Variants in MACROD2 observed in about 807,000 individuals in gnomAD.
MACROD2 encodes ADP-ribose glycohydrolase MACROD2.
A neutral mutation model predicts 70.4 loss-of-function variants in MACROD2; 36 were observed. That is an observed-to-expected ratio of 0.51 (90% CI 0.39 to 0.68). The LOEUF (loss-of-function observed/expected upper bound fraction) is 0.68, where lower values mean the gene tolerates loss of function less well. Among genes scored for constraint, MACROD2 ranks in the 30% least tolerant of loss-of-function variants. MACROD2 has a pLI of 0.00. For missense variants in MACROD2, 496 were observed against 538.4 expected, an observed-to-expected ratio of 0.92 and a Z score of 0.78; for synonymous variants, 172 against 178.8, an observed-to-expected ratio of 0.96 and a Z score of 0.30.
At chr20:14,003,617 A>C in intron 2 of MACROD2, 1 of 453,920 alleles carries the variant, frequency 2.2e-6, no homozygotes, top group Non-Finnish European at 4.4e-6. Flanking sequence ...CCCAAAGATG[A>C]TTTGCTGCCC....
intron 3 of MACROD2, among the ~76,000 whole-genome samples, chr20:14,285,459 C>A (rs2082336332): frequency 6.6e-6 from 1 of 152,100 alleles, no homozygotes; most frequent in Non-Finnish European, 1.5e-5. Flanking sequence ...TGGATTAGGG[C>A]TGCTTAACCT....
Position 14,822,035 on chromosome 20 carries a change from A to G in MACROD2, c.418+137076A>G, listed in dbSNP as rs146584096. 2.4e-4 allele frequency among the ~76,000 whole-genome samples: 37 copies of G among 152,218 alleles called. 1 individual carries two copies. In the East Asian group the frequency reaches 7.2e-3, roughly 29 times the overall value. On this transcript the variant is annotated intron_variant, in intron 5 of 17. Transcript: ENST00000684519. ...GAAATCCATAAAGTAGGTATTTGAC[A>G]TCTCATAGTTTTGAACAAAATGGTA... is the stretch of plus-strand genomic sequence containing the variant.
At chr20:14,253,708 T>A (rs1053670740) in intron 3 of MACROD2, among the ~76,000 whole-genome samples, 3 of 152,158 alleles carry the variant, frequency 2.0e-5, no homozygotes, top group Non-Finnish European at 4.4e-5. Flanking sequence ...ATCTGAACTT[T>A]TTCAAACCTC....
intron 5 of MACROD2, among the ~76,000 whole-genome samples, chr20:14,877,432 A>G (rs775205195): frequency 2.0e-5 from 3 of 151,856 alleles, no homozygotes; most frequent in Non-Finnish European, 4.4e-5. Flanking sequence ...TCCTATTTGG[A>G]TGCCTTTTAT....
At chr20:15,953,940 T>G (rs980319654) in intron 12 of MACROD2, among the ~76,000 whole-genome samples, 2 of 152,124 alleles carry the variant, frequency 1.3e-5, no homozygotes, top group African/African-American at 4.8e-5. Context: ...TTGCTCACTG[T>G]TTTTTCTTGT....
chr20:15,974,065 A>G (rs2066270116), intron 13 of MACROD2, among the ~76,000 whole-genome samples: 1 of 152,210 alleles, frequency 6.6e-6, no homozygotes, highest in Admixed American at 6.5e-5. Context: ...AGTCCTTGCT[A>G]TAGGAATAGA....
chr20:14,260,913 C>A (rs182985613), intron 3 of MACROD2, among the ~76,000 whole-genome samples: 176 of 152,284 alleles, frequency 1.2e-3, no homozygotes, highest in African/African-American at 3.9e-3. Context: ...TTGGTTATGG[C>A]AGACAGATTT....
At chr20:14,603,017 C>T (rs189650036) in intron 4 of MACROD2, among the ~76,000 whole-genome samples, 1 of 152,262 alleles carries the variant, frequency 6.6e-6, no homozygotes, top group East Asian at 1.9e-4. Flanking sequence ...CAAATATCAC[C>T]ACTAGGATTT....
intron 9 of MACROD2, among the ~76,000 whole-genome samples, chr20:15,882,061 T>C (rs2147202664): frequency 6.6e-6 from 1 of 152,198 alleles, no homozygotes; most frequent in African/African-American, 2.4e-5. Flanking sequence ...ATTTTTCAGA[T>C]GAAGAAACTG....
chr20:16,047,940 T>G (rs565290116), intron 17 of MACROD2, among the ~76,000 whole-genome samples: 101 of 152,326 alleles, frequency 6.6e-4, no homozygotes, highest in African/African-American at 2.3e-3. Flanking sequence ...GACTTGGATC[T>G]GCGCCAGGTA....
At chr20:14,974,688 A>G (rs1163979576) in intron 5 of MACROD2, among the ~76,000 whole-genome samples, 1 of 152,176 alleles carries the variant, frequency 6.6e-6, no homozygotes, top group Non-Finnish European at 1.5e-5. Context: ...ACCTTTCAGT[A>G]AAGGAGCAAA....
chr20:15,698,915 G>A (rs944551185), intron 8 of MACROD2, among the ~76,000 whole-genome samples: 1 of 152,084 alleles, frequency 6.6e-6, no homozygotes, highest in African/African-American at 2.4e-5. Flanking sequence ...TGCATCCAAA[G>A]CTTCCTGAAT....
At chr20:15,317,511 ATCTATCTATCTATCTG>A (rs1237306390) in intron 6 of MACROD2, among the ~76,000 whole-genome samples, 2 of 148,164 alleles carry the variant, frequency 1.3e-5, no homozygotes, top group Admixed American at 1.4e-4. Context: ...CTATCTATCT[ATCTATCTATCTATCTG>A]TCTATCTATC....
At chr20:14,598,959 T>G (rs6042808) in intron 4 of MACROD2, among the ~76,000 whole-genome samples, 17,885 of 152,142 alleles carry the variant, frequency 0.12, 2,165 homozygotes, top group African/African-American at 0.31. Context: ...AAGATTTGGA[T>G]ATTGGCTATA....
intron 5 of MACROD2, among the ~76,000 whole-genome samples, chr20:14,837,291 C>T (rs2073040305): frequency 6.6e-6 from 1 of 151,838 alleles, no homozygotes; most frequent in East Asian, 1.9e-4. Flanking sequence ...ATCATTAGAA[C>T]ATTTTTGGTT....
At chr20:15,839,346 C>G (rs559241779) in intron 8 of MACROD2, among the ~76,000 whole-genome samples, 1 of 152,124 alleles carries the variant, frequency 6.6e-6, no homozygotes, top group Non-Finnish European at 1.5e-5. Flanking sequence ...GCCATGGTCT[C>G]ATTGTGAGAA....
chr20:15,696,106 T>C (rs530770447), intron 8 of MACROD2, among the ~76,000 whole-genome samples: 7 of 152,338 alleles, frequency 4.6e-5, no homozygotes, highest in Admixed American at 1.3e-4. Context: ...AGAGTGGGCA[T>C]CCTTGTCTTG....
chr20:15,134,627 A>G (rs2076132505), intron 5 of MACROD2, among the ~76,000 whole-genome samples: 2 of 152,172 alleles, frequency 1.3e-5, no homozygotes, highest in South Asian at 4.2e-4. Flanking sequence ...AAAGATCCAA[A>G]ATTAACACCC....
intron 2 of MACROD2, among the ~76,000 whole-genome samples, chr20:14,046,728 TTTATTTA>T (rs1292392993): frequency 6.7e-6 from 1 of 148,914 alleles, no homozygotes; most frequent in East Asian, 2.0e-4. Context: ...TATTTATTTA[TTTATTTA>T]TTTATTTATT....
Sources: gnomAD v4.1 joint callset for allele counts (sites outside exome capture counted in the v4.1 genomes callset) on GRCh38, gnomAD v4.1.1 for gene constraint, MANE v1.5 for transcripts, NCBI Gene and HGNC (gene_info 2026-07-23, HGNC 2026-07-21) for gene names.